FIRRM: variants seen among roughly 807,000 people sequenced by gnomAD.
FIRRM encodes the protein FIGNL1-interacting regulator of recombination and mitosis.
chr1:169,827,028 GT>G, the FIRRM span: 12 of 1,604,708 alleles, frequency 7.5e-6, no homozygotes, highest in South Asian at 4.4e-5. Flanking sequence ...TAATGAATGA[GT>G]TTTTTTTCTC....
the FIRRM span, chr1:169,843,852 AG>A: frequency 1.2e-6 from 1 of 806,810 alleles, no homozygotes; most frequent in Admixed American, 2.1e-5. Context: ...TTCTAGAAAT[AG>A]TTCCTTTAAA....
the FIRRM span, among the ~76,000 whole-genome samples, chr1:169,810,580 T>C: frequency 6.6e-6 from 1 of 152,136 alleles, no homozygotes; most frequent in South Asian, 2.1e-4. Flanking sequence ...TGATAGTGAT[T>C]AAGGGCATAC....
At chr1:169,837,094 G>T in the FIRRM span, 3 of 1,585,806 alleles carry the variant, frequency 1.9e-6, no homozygotes, top group Non-Finnish European at 2.6e-6. Flanking sequence ...GTCGTACTTT[G>T]GGAGAACTAG....
the FIRRM span, among the ~76,000 whole-genome samples, chr1:169,840,669 C>T: frequency 6.6e-6 from 1 of 151,906 alleles, no homozygotes; most frequent in Non-Finnish European, 1.5e-5. Flanking sequence ...CGCCAACACG[C>T]CCGGCTAATT....
chr1:169,814,399 T>A, the FIRRM span, among the ~76,000 whole-genome samples: 2 of 152,216 alleles, frequency 1.3e-5, no homozygotes, highest in Non-Finnish European at 2.9e-5. Context: ...TTTTTGCCAT[T>A]ATTTTCTATA....
At chr1:169,796,840 G>A in the FIRRM span, among the ~76,000 whole-genome samples, 1 of 152,092 alleles carries the variant, frequency 6.6e-6, no homozygotes, top group Non-Finnish European at 1.5e-5. Context: ...TTTTTGCTCA[G>A]CCTGATTTGT....
chr1:169,821,024 T>C, the FIRRM span, among the ~76,000 whole-genome samples: 3 of 152,216 alleles, frequency 2.0e-5, no homozygotes, highest in African/African-American at 2.4e-5. Flanking sequence ...ATTGAATTGC[T>C]ACTCAATTAA....
the FIRRM span, among the ~76,000 whole-genome samples, chr1:169,815,026 G>A: frequency 6.8e-3 from 1,029 of 151,872 alleles, 9 homozygotes; most frequent in Middle Eastern, 0.037. Flanking sequence ...GGCCAGGCGC[G>A]GTGGCTCACG....
At chr1:169,827,188 A>T in the FIRRM span, 1 of 1,612,516 alleles carries the variant, frequency 6.2e-7, no homozygotes, top group Non-Finnish European at 8.5e-7. Flanking sequence ...GTGGTTTTGG[A>T]CAGTAAATTA....
At chr1:169,829,504 T>C in the FIRRM span, 14 of 1,483,556 alleles carry the variant, frequency 9.4e-6, no homozygotes, top group East Asian at 9.4e-5. Context: ...TTTCTCTTCA[T>C]TGAAATTGTG....
chr1:169,852,894 A>G, the FIRRM span: 36 of 1,614,166 alleles, frequency 2.2e-5, no homozygotes, highest in Non-Finnish European at 2.7e-5. Context: ...CACTACTCCA[A>G]AAGGGTCCTG....
the FIRRM span, chr1:169,806,151 A>G: frequency 2.2e-6 from 2 of 919,618 alleles, no homozygotes; most frequent in African/African-American, 1.7e-5. Flanking sequence ...AATCTTAATT[A>G]TTCATGATTC....
At chr1:169,806,015 T>G in the FIRRM span, 2 of 1,597,430 alleles carry the variant, frequency 1.3e-6, no homozygotes, top group Non-Finnish European at 1.7e-6. Flanking sequence ...TATTCATTCT[T>G]TATTGGATAT....
At chr1:169,828,304 C>T in the FIRRM span, among the ~76,000 whole-genome samples, 4 of 152,154 alleles carry the variant, frequency 2.6e-5, no homozygotes, top group African/African-American at 7.2e-5. Context: ...CTGCGTACCA[C>T]GATGAGGTTA....
the FIRRM span, among the ~76,000 whole-genome samples, chr1:169,824,000 C>T: frequency 1.3e-5 from 2 of 152,158 alleles, no homozygotes; most frequent in East Asian, 3.8e-4. Context: ...AAATTTGACA[C>T]AAAGTGAGTT....
the FIRRM span, chr1:169,843,741 A>G: frequency 6.2e-6 from 10 of 1,609,408 alleles, no homozygotes; most frequent in African/African-American, 2.7e-5. Flanking sequence ...TTTTTCATTC[A>G]AACTCTAGAT....
chr1:169,827,978 T>C, the FIRRM span: 2 of 785,228 alleles, frequency 2.5e-6, no homozygotes, highest in Non-Finnish European at 4.0e-6. Context: ...TAGACACACA[T>C]ATATATTGCT....
the FIRRM span, among the ~76,000 whole-genome samples, chr1:169,835,500 AT>A: frequency 2.6e-5 from 4 of 152,160 alleles, no homozygotes; most frequent in African/African-American, 9.6e-5. Flanking sequence ...AAATTACTGT[AT>A]TTGCATTTTA....
chr1:169,794,754 G>A, the FIRRM span: 1 of 182,792 alleles, frequency 5.5e-6, no homozygotes, highest in Non-Finnish European at 1.2e-5. Flanking sequence ...TCCGACCCCA[G>A]AAGTGGGGAC....
Sources: allele counts gnomAD v4.1 joint callset (sites outside exome capture counted in the v4.1 genomes callset), GRCh38; gene constraint gnomAD v4.1.1; transcripts MANE v1.5; gene names NCBI Gene and HGNC (gene_info 2026-07-23, HGNC 2026-07-21).